SPTLC3: variants seen among roughly 807,000 people sequenced by gnomAD.
The protein encoded by SPTLC3 is serine palmitoyltransferase long chain base subunit 3.
A neutral mutation model predicts 59.3 loss-of-function variants in SPTLC3; 36 were observed. The observed-to-expected ratio is 0.61, with a 90% CI of 0.47 to 0.80. The LOEUF is 0.80. Ranked by LOEUF, SPTLC3 falls within the 30% of genes least tolerant of loss-of-function variation. The pLI is 0.00. For synonymous variants in SPTLC3, 257 were observed against 240.8 expected, an observed-to-expected ratio of 1.07 and a Z score of -0.62; for missense variants, 625 against 685.1, an observed-to-expected ratio of 0.91 and a Z score of 0.98.
At position 13,072,352 on chromosome 20, in the gene SPTLC3, C is replaced by G. The variant is rs533987020; in HGVS notation, c.400C>G (p.Pro134Ala). The G allele has an allele frequency of 1.2e-5, 19 of 1,613,462 alleles. No individual in the cohort carries two copies. The highest frequency in any genetic ancestry group is 1.7e-5 in the Admixed American group (1 of 59,912). ...DNWNRPICSAPGPLFDLMERV... is the reference protein window; with the variant it reads ...DNWNRPICSAAGPLFDLMERV... Reference sequence around the variant, plus strand: ...CTGGAACCGGCCCATCTGCAGTGCCCCAGGGCCTCTGTTTGATTTGATGGA... The same window carrying G: ...CTGGAACCGGCCCATCTGCAGTGCCGCAGGGCCTCTGTTTGATTTGATGGA... Residue 134 changes from proline to alanine, a missense_variant, in exon 3 of 12, where the codon CCA (proline) becomes GCA (alanine). Coordinates refer to ENST00000399002, the MANE Select transcript of SPTLC3 (RefSeq NM_018327.4).
At chr20:13,051,745 G>A (rs1207419692) in intron 2 of SPTLC3, among the ~76,000 whole-genome samples, 1 of 152,032 alleles carries the variant, frequency 6.6e-6, no homozygotes, top group African/African-American at 2.4e-5. Context: ...CACTCTCTCA[G>A]GCCACAGTGG....
chr20:13,037,023 T>C (rs2122455383), intron 1 of SPTLC3, among the ~76,000 whole-genome samples: 1 of 152,296 alleles, frequency 6.6e-6, no homozygotes, highest in East Asian at 1.9e-4. Context: ...ATTTTCCATC[T>C]CTTCATTCTA....
At chr20:13,012,314 T>A (rs1287033897) in intron 1 of SPTLC3, among the ~76,000 whole-genome samples, 1 of 152,242 alleles carries the variant, frequency 6.6e-6, no homozygotes, top group African/African-American at 2.4e-5. Flanking sequence ...TTTATTGAGT[T>A]CTTGACCTGA....
chr20:13,114,784 G>A (rs562539754), intron 7 of SPTLC3, among the ~76,000 whole-genome samples: 2 of 152,044 alleles, frequency 1.3e-5, no homozygotes, highest in Admixed American at 6.5e-5. Context: ...CCACCAAGGA[G>A]ATTTTTCCAC....
chr20:13,155,081 C>T (rs1373021944), intron 10 of SPTLC3, among the ~76,000 whole-genome samples: 1 of 151,120 alleles, frequency 6.6e-6, no homozygotes, highest in African/African-American at 2.4e-5. Flanking sequence ...CTAGGGAGGC[C>T]GAGGCAGGAG....
At chr20:13,014,140 C>T (rs1247583827) in intron 1 of SPTLC3, among the ~76,000 whole-genome samples, 1 of 152,198 alleles carries the variant, frequency 6.6e-6, no homozygotes, top group African/African-American at 2.4e-5. Flanking sequence ...GTAGACAAAG[C>T]CAGTCATAGT....
At chr20:13,055,377 T>C (rs958109830) in intron 2 of SPTLC3, among the ~76,000 whole-genome samples, 32 of 152,018 alleles carry the variant, frequency 2.1e-4, no homozygotes, top group Non-Finnish European at 4.0e-4. Flanking sequence ...GAATTCTCCT[T>C]GGGCATTCTC....
At chr20:13,086,429 C>T (rs1479548906) in intron 4 of SPTLC3, among the ~76,000 whole-genome samples, 1 of 152,196 alleles carries the variant, frequency 6.6e-6, no homozygotes, top group African/African-American at 2.4e-5. Context: ...GCATGACTTC[C>T]TGAAGTAGAA....
chr20:13,159,935 T>C, intron 10 of SPTLC3, 68 bp from the exon 11 acceptor site: 1 of 1,444,400 alleles, frequency 6.9e-7, no homozygotes, highest in South Asian at 1.6e-5. Context: ...TATTCCTTTT[T>C]TGTCAGGATA....
chr20:13,112,474 C>G (rs1990287550), intron 7 of SPTLC3, among the ~76,000 whole-genome samples: 1 of 152,172 alleles, frequency 6.6e-6, no homozygotes, highest in African/African-American at 2.4e-5. Context: ...CATCATGAGG[C>G]CAGCCCCGAT....
At chr20:13,010,737 C>T (rs556552872) in intron 1 of SPTLC3, among the ~76,000 whole-genome samples, 1 of 152,358 alleles carries the variant, frequency 6.6e-6, no homozygotes, top group African/African-American at 2.4e-5. Context: ...CTGTAACTCA[C>T]AAGCTATTCA....
At chr20:13,090,890 C>T (rs534167351) in intron 4 of SPTLC3, among the ~76,000 whole-genome samples, 193 bp from the exon 5 acceptor site, 120 of 117,770 alleles carry the variant, frequency 1.0e-3, no homozygotes, top group Admixed American at 2.0e-3. Flanking sequence ...TGTATAAATA[C>T]CCCACATTGT....
chr20:13,015,291 C>A (rs946696091), intron 1 of SPTLC3, among the ~76,000 whole-genome samples: 8 of 152,064 alleles, frequency 5.3e-5, no homozygotes, highest in Non-Finnish European at 1.2e-4. Context: ...AACAGCTTAG[C>A]AAATTTTAAC....
chr20:13,072,518 G>GT, intron 3 of SPTLC3, 108 bp downstream of exon 3: 1 of 1,267,084 alleles, frequency 7.9e-7, no homozygotes, highest in Admixed American at 2.4e-5. Context: ...GAAGCCATTG[G>GT]TTTTGTATCA....
At chr20:13,127,370 A>AG (rs1331468262) in intron 9 of SPTLC3, among the ~76,000 whole-genome samples, 1 of 152,202 alleles carries the variant, frequency 6.6e-6, no homozygotes, top group Non-Finnish European at 1.5e-5. Flanking sequence ...GTGCTGAATA[A>AG]GGCAGTTCTT....
At chr20:13,114,772 G>T (rs1445133155) in intron 7 of SPTLC3, among the ~76,000 whole-genome samples, 1 of 151,612 alleles carries the variant, frequency 6.6e-6, no homozygotes, top group Admixed American at 6.6e-5. Flanking sequence ...TACACTTTGG[G>T]CCCACCAAGG....
intron 9 of SPTLC3, among the ~76,000 whole-genome samples, chr20:13,140,817 A>G (rs1387414974): frequency 6.6e-6 from 1 of 152,240 alleles, no homozygotes; most frequent in Non-Finnish European, 1.5e-5. Flanking sequence ...CTTATAATGT[A>G]TGTGCACTGA....
At chr20:13,063,710 G>C (rs948011098) in intron 2 of SPTLC3, among the ~76,000 whole-genome samples, 2 of 151,304 alleles carry the variant, frequency 1.3e-5, no homozygotes, top group Non-Finnish European at 2.9e-5. Context: ...CTGGAGTGCA[G>C]TGGCGTGGTG....
rs571494465 is a variant in SPTLC3, at chr20:13,136,158, A to G, written c.1279+9441A>G. On this transcript the variant is annotated intron_variant, in intron 9 of 11. Coordinates refer to ENST00000399002, the MANE Select transcript of SPTLC3 (RefSeq NM_018327.4). ...GTCACACATGTCCCTCTCTGCCCTT[A>G]AACTGAAGGAGTTTCTGGGTGGTAA... Among the ~76,000 whole-genome samples the G allele has an allele frequency of 6.6e-5, 10 of 152,338 alleles. 1 individual carries two copies. The South Asian group carries it at 1.5e-3, about 22-fold the overall frequency.
Sources: allele counts gnomAD v4.1 joint callset (sites outside exome capture counted in the v4.1 genomes callset), GRCh38; gene constraint gnomAD v4.1.1; transcripts MANE v1.5; gene names NCBI Gene and HGNC (gene_info 2026-07-23, HGNC 2026-07-21).